The following DYM variants were observed in gnomAD, a reference collection of about 807,000 sequenced individuals.
DYM encodes dyggve-Melchior-Clausen syndrome protein.
A neutral mutation model predicts 93.1 loss-of-function variants in DYM; 78 were observed. The ratio of observed to expected loss-of-function variants is 0.84; its 90% confidence interval spans 0.70 to 1.01. The LOEUF is 1.01. Ranked by LOEUF, DYM falls within the 50% of genes least tolerant of loss-of-function variation. DYM has a pLI of 0.00. For synonymous variants in DYM, 321 were observed against 319.7 expected (o/e 1.00, Z -0.04); for missense variants, 789 against 845.0 (o/e 0.93, Z 0.82).
rs189405308 is a variant in DYM, at chr18:49,118,433, T to C, written c.1911+311A>G. On this transcript the variant is annotated intron_variant, in intron 16 of 17. Coordinates refer to ENST00000675505, the MANE Select transcript of DYM (RefSeq NM_001353214.3). The stretch of plus-strand genomic sequence containing the variant: ...TTTTAGGACACAAACATGGGCTAGA[T>C]AGAAATTAAAATGTGAGACTTTCAA... Among the ~76,000 whole-genome samples, 8 of 152,246 alleles carry C rather than the reference T, an allele frequency of 5.3e-5. No individual in the cohort carries two copies. The East Asian group carries it at 1.4e-3, about 26-fold the overall frequency.
intron 11 of DYM, among the ~76,000 whole-genome samples, chr18:49,258,818 AC>A (rs2094437967): frequency 7.3e-6 from 1 of 137,890 alleles, no homozygotes; most frequent in South Asian, 2.5e-4. Flanking sequence ...ACACACACAC[AC>A]ACAGAGACAC....
Position 49,378,664 on chromosome 18 carries a change from A to T in DYM, c.324T>A (p.Phe108Leu). ...ACACTTTCAGCAAACAGCAAATAAT[A>T]AACAAAGCATTGTGTGTCTGCCAAA... ...IFIWQTHNALFIICCLLKVFI... is the reference protein window; with the variant it reads ...IFIWQTHNALLIICCLLKVFI... Residue 108 changes from phenylalanine (F) to leucine (L), a missense_variant, in exon 5 of 18, where the codon TTT becomes TTA. Around this residue, in one of 3 missense-constraint regions of DYM, gnomAD observed 450 missense variants for 436.2 expected, o/e 1.03. Transcript: ENST00000675505. The T allele has an allele frequency of 1.2e-6, 2 of 1,613,386 alleles. No individual in the cohort carries two copies. Among genetic ancestry groups the T allele is most frequent in the Non-Finnish European group, 1.7e-6 (2 of 1,179,572 alleles).
chr18:49,203,882 A>AAC (rs2092314343), intron 14 of DYM, among the ~76,000 whole-genome samples: 2 of 137,202 alleles, frequency 1.5e-5, no homozygotes, highest in East Asian at 2.1e-4. Flanking sequence ...AAAAAAAAAA[A>AAC]AAAAAAAAAA....
intron 17 of DYM, among the ~76,000 whole-genome samples, chr18:49,059,409 C>T (rs552884828): frequency 5.0e-4 from 76 of 152,304 alleles, no homozygotes; most frequent in Middle Eastern, 6.8e-3. Context: ...ACCCATGCAT[C>T]CTTCTTTCCT....
intron 1 of DYM, among the ~76,000 whole-genome samples, chr18:49,430,883 C>CA (rs11288242): frequency 2.6e-4 from 34 of 129,334 alleles, no homozygotes; most frequent in Non-Finnish European, 3.0e-4. Context: ...GACTCCATCT[C>CA]AAAAAAAAAA....
chr18:49,091,644 G>C lies in DYM; in HGVS notation c.2025+5758C>G, dbSNP rs72642440. Among the ~76,000 whole-genome samples the C allele has an allele frequency of 3.5e-3, 537 of 152,294 alleles. 28 individuals carry two copies. The East Asian group carries it at 0.085, about 24-fold the overall frequency. On this transcript the variant is annotated intron_variant, in intron 17 of 17. Transcript: ENST00000675505. ...ATTCTAATTCCATGGGTCTGGGGTA[G>C]GGCCTGAGAACCTCCATTTCTAGCA...
At position 49,282,294 on chromosome 18, in the gene DYM, T is replaced by A. The variant is rs563247739; in HGVS notation, c.947-119A>T. 2.9e-6 allele frequency: 3 copies of A among 1,051,262 alleles called. 1 individual carries two copies. Among genetic ancestry groups the A allele is most frequent in the Non-Finnish European group, 4.2e-6 (3 of 707,754 alleles). 65.1% of individuals were successfully genotyped at this position (1,051,262 alleles called of 1,614,324 possible). A position where few individuals can be genotyped will look rare whatever the true frequency, so the allele number is the denominator to read the frequency against. ...TAATTTTATGGAAAGTCACTACATTTCAGATTCAAAATTTTAATTTATGTA... is the reference window on the plus strand; with the variant it reads ...TAATTTTATGGAAAGTCACTACATTACAGATTCAAAATTTTAATTTATGTA... On this transcript the variant is annotated intron_variant, in intron 9 of 17. Coordinates refer to ENST00000675505, the MANE Select transcript of DYM (RefSeq NM_001353214.3).
chr18:49,232,525 A>T (rs2093728613), intron 13 of DYM, among the ~76,000 whole-genome samples: 1 of 150,418 alleles, frequency 6.6e-6, no homozygotes, highest in Non-Finnish European at 1.5e-5. Context: ...GGATGGTTTC[A>T]ATCTCCTGAC....
At chr18:49,183,840 G>A (rs1205673909) in intron 14 of DYM, among the ~76,000 whole-genome samples, 1 of 152,146 alleles carries the variant, frequency 6.6e-6, no homozygotes, top group African/African-American at 2.4e-5. Context: ...GAGGTCATAA[G>A]GGTGAGGCTC....
chr18:49,415,704 G>A (rs2072893154), intron 2 of DYM, among the ~76,000 whole-genome samples: 1 of 151,862 alleles, frequency 6.6e-6, no homozygotes, highest in Non-Finnish European at 1.5e-5. Flanking sequence ...GATGTGGGTG[G>A]ATTGCTTGAG....
intron 15 of DYM, among the ~76,000 whole-genome samples, chr18:49,147,739 T>C (rs1038843742): frequency 3.3e-5 from 5 of 152,090 alleles, no homozygotes; most frequent in African/African-American, 9.7e-5. Context: ...TTTTACACTG[T>C]TGGTGGGACT....
At chr18:49,195,539 C>T (rs2091357283) in intron 14 of DYM, among the ~76,000 whole-genome samples, 1 of 152,180 alleles carries the variant, frequency 6.6e-6, no homozygotes, top group Non-Finnish European at 1.5e-5. Flanking sequence ...TAACCAGCCT[C>T]TCCCTATCCT....
chr18:49,328,239 T>C (rs967756572), intron 8 of DYM, among the ~76,000 whole-genome samples: 3 of 152,214 alleles, frequency 2.0e-5, no homozygotes, highest in Non-Finnish European at 4.4e-5. Context: ...GAATGATGCA[T>C]GTACATAAGT....
At chr18:49,375,193 G>GACACACACACACACACACAC (rs34631271) in intron 5 of DYM, among the ~76,000 whole-genome samples, 1 of 137,950 alleles carries the variant, frequency 7.2e-6, no homozygotes, top group East Asian at 2.1e-4. Flanking sequence ...AAGGGGAAAA[G>GACACACACACACACACACAC]ACACACACAC....
At chr18:49,111,084 T>C (rs1046158349) in intron 16 of DYM, among the ~76,000 whole-genome samples, 1 of 152,198 alleles carries the variant, frequency 6.6e-6, no homozygotes, top group Admixed American at 6.5e-5. Context: ...ATATATGTTG[T>C]CACCTTTTCC....
intron 1 of DYM, chr18:49,447,489 AG>A (rs905289615): frequency 7.9e-5 from 12 of 152,372 alleles, no homozygotes; most frequent in African/African-American, 2.9e-4. Flanking sequence ...AAGAACGGTA[AG>A]GGGAAGAGCG....
At chr18:49,053,529 C>T (rs1257119965) in intron 17 of DYM, among the ~76,000 whole-genome samples, 1 of 152,010 alleles carries the variant, frequency 6.6e-6, no homozygotes, top group Non-Finnish European at 1.5e-5. Flanking sequence ...GATTGCTGGT[C>T]GCAAGGCAGA....
chr18:49,139,411 G>A (rs1004896106), intron 15 of DYM, among the ~76,000 whole-genome samples: 2 of 151,888 alleles, frequency 1.3e-5, no homozygotes, highest in African/African-American at 4.8e-5. Flanking sequence ...AAAAAACGAG[G>A]CATTCCCTCT....
intron 17 of DYM, among the ~76,000 whole-genome samples, chr18:49,061,396 G>A (rs933615811): frequency 5.3e-5 from 8 of 152,164 alleles, no homozygotes; most frequent in African/African-American, 1.9e-4. Flanking sequence ...GGGTGCCCAC[G>A]GACCAGCCGG....
Sources: allele counts gnomAD v4.1 joint callset (sites outside exome capture counted in the v4.1 genomes callset), GRCh38; gene constraint gnomAD v4.1.1; regional missense constraint gnomAD v4.1.1; transcripts MANE v1.5; gene names NCBI Gene and HGNC (gene_info 2026-07-23, HGNC 2026-07-21).